ERI2: variants seen among roughly 807,000 people sequenced by gnomAD.
ERI2 encodes the protein ERI1 exoribonuclease family member 2, also known as ERI1 exoribonuclease 2.
In ERI2, 35 loss-of-function variants were observed where a neutral mutation model predicts 46.8. The ratio of observed to expected loss-of-function variants is 0.75; its 90% CI spans 0.57 to 0.99. The LOEUF (loss-of-function observed/expected upper bound fraction) is 0.99, where lower values mean the gene tolerates loss of function less well. ERI2 is among the 50% of genes least tolerant of loss of function. The pLI is 0.00. For missense variants in ERI2, 695 were observed against 796.2 expected (o/e 0.87, Z 1.53); for synonymous variants, 224 against 271.0 (o/e 0.83, Z 1.70).
At chr16:20,799,654 T>C in intron 7 of ERI2, 1 of 470,450 alleles carries the variant, frequency 2.1e-6, no homozygotes, top group Non-Finnish European at 3.7e-6. Flanking sequence ...AATCTAATAG[T>C]CTTGTTCAGT....
intron 10 of ERI2, chr16:20,780,783 T>A (rs1596522394): frequency 1.2e-6 from 2 of 1,614,198 alleles, no homozygotes; most frequent in East Asian, 4.5e-5. Context: ...TCTTTACCAG[T>A]GGAACAAGTG....
chr16:20,788,104 A>T (rs372122694), intron 10 of ERI2, among the ~76,000 whole-genome samples: 4 of 152,082 alleles, frequency 2.6e-5, no homozygotes, highest in East Asian at 3.8e-4. Context: ...TTATTTATTT[A>T]TTTATTTTTT....
Position 20,801,284 on chromosome 16 carries a change from G to T in ERI2, c.379C>A (p.Gln127Lys), listed in dbSNP as rs1455290822. ...FCKWIHKIQQ[Q>K]KNIIFATGIS... ...CCAGTAGCAAAAATAATGTTCTTCT[G>T]TTGCTGAATCTTATGAATCCATTTA... Residue 127 changes from glutamine (Q) to lysine (K), a missense_variant, in exon 5 of 9, where the codon CAG becomes AAG. Gln to Lys is a moderately conservative substitution (Grantham distance 53). Transcript: ENST00000357967. 1.2e-6 allele frequency: 2 copies of T among 1,612,862 alleles called. No individual in the cohort carries two copies. Among genetic ancestry groups the T allele is most frequent in the East Asian group, 4.5e-5 (2 of 44,740 alleles).
At chr16:20,785,820 G>A (rs578127276) in intron 10 of ERI2, among the ~76,000 whole-genome samples, 24 of 152,108 alleles carry the variant, frequency 1.6e-4, no homozygotes, top group African/African-American at 5.5e-4. Flanking sequence ...AGCATAACAA[G>A]TATGCTAATA....
downstream of ERI2, chr16:20,796,248 CT>C: frequency 6.9e-7 from 1 of 1,455,334 alleles, no homozygotes; most frequent in Non-Finnish European, 9.1e-7. Context: ...TGGGATCAAA[CT>C]TTATTAAAAC....
chr16:20,802,710 C>T (rs1315554677), intron 4 of ERI2, 86 bp downstream of exon 4: 4 of 1,437,970 alleles, frequency 2.8e-6, no homozygotes, highest in African/African-American at 2.9e-5. Flanking sequence ...TCATGCCTAA[C>T]ACTAAATAAA....
chr16:20,785,510 T>C (rs1402600481), intron 10 of ERI2, among the ~76,000 whole-genome samples: 3 of 151,970 alleles, frequency 2.0e-5, no homozygotes, highest in African/African-American at 7.3e-5. Context: ...AACCATACTC[T>C]AAAAAGGATT....
chr16:20,782,421 A>G (rs533820933), intron 10 of ERI2, among the ~76,000 whole-genome samples: 90 of 152,210 alleles, frequency 5.9e-4, no homozygotes, highest in Non-Finnish European at 1.1e-3. Context: ...AGAGTCCCCA[A>G]AGTCCATTAT....
chr16:20,788,090 CTTTT>C (rs1214583213), intron 10 of ERI2, among the ~76,000 whole-genome samples: 3 of 152,102 alleles, frequency 2.0e-5, no homozygotes, highest in Admixed American at 6.5e-5. Context: ...TCACATTCCT[CTTTT>C]TATTTATTTA....
At position 20,790,630 on chromosome 16, in the gene ERI2, G is replaced by A. The variant is rs1466893914; in HGVS notation, c.815+220C>T. 1 of 1,614,150 alleles carries A rather than the reference G, an allele frequency of 6.2e-7. No homozygotes were observed. The highest frequency in any genetic ancestry group is 1.7e-5 in the Admixed American group (1 of 60,016). On this transcript the variant is annotated intron_variant, in intron 9 of 10. Transcript: ENST00000300005. The surrounding 1 kb of genome is among the most constrained non-coding windows in gnomAD (Gnocchi z 4.0). ...AATGTTCTACCTCCTGGACAAGAAG[G>A]AGATATTGGCATTCAAGTTCTACCC...
rs892453312 is a variant in ERI2, at chr16:20,790,420, G to A, written c.815+430C>T. Among the ~76,000 whole-genome samples the A allele has an allele frequency of 6.6e-6, 1 of 152,222 alleles. No homozygotes were observed. The highest frequency in any genetic ancestry group is 1.5e-5 in the Non-Finnish European group (1 of 68,046). On this transcript the variant is annotated intron_variant, in intron 9 of 10. Coordinates refer to the ERI2 transcript ENST00000300005. This position sits in a 1 kb window ranked among gnomAD's most constrained non-coding sequence, Gnocchi z 4.0. ...AGCTATGAGCTATGATTGCACCACTGCACTCCAGCCTGGGTGACAAAGTGA... is the reference window on the plus strand; with the variant it reads ...AGCTATGAGCTATGATTGCACCACTACACTCCAGCCTGGGTGACAAAGTGA...
rs2080740298 is a variant in ERI2, at chr16:20,797,234, G to A, written c.*490C>T. 2 of 1,141,468 alleles carry A rather than the reference G, an allele frequency of 1.8e-6. No individual in the cohort carries two copies. Among genetic ancestry groups the A allele is most frequent in the African/African-American group, 3.3e-5 (2 of 60,788 alleles). The allele number at this position is 1,141,468 out of a possible 1,614,324, so 70.7% of individuals were successfully genotyped here. On this transcript the variant is annotated 3_prime_UTR_variant, in exon 9 of 9. Transcript: ENST00000357967. The stretch of plus-strand genomic sequence containing the variant: ...TTGCTGATTAATTTTTAAATGTATA[G>A]TATAGAAGCAGTTTCTGAACCAGAT...
rs1048122768 is a variant in ERI2, at chr16:20,790,183, G to A, written c.816-626C>T. Among the ~76,000 whole-genome samples, 90 of 152,222 alleles carry A rather than the reference G, an allele frequency of 5.9e-4. No individual in the cohort carries two copies. Among genetic ancestry groups the A allele is most frequent in the African/African-American group, 2.1e-3 (88 of 41,546 alleles). ...AAAATATTTTTGGGCCAGGTGCAGT[G>A]GCTCATGCCTATAATCCCAGCACTT... On this transcript the variant is annotated intron_variant, in intron 9 of 10. Transcript: ENST00000300005. The surrounding 1 kb of genome is among the most constrained non-coding windows in gnomAD (Gnocchi z 4.0).
In ERI2 at chr16:20,798,070, A is replaced by C; in HGVS notation, c.1730T>G (p.Leu577Ter). Residue 577 changes from leucine (L) to a stop codon, truncating the protein, a stop_gained, in exon 9 of 9, where the codon TTA (leucine) becomes TGA (stop). Coordinates refer to ENST00000357967, the MANE Select transcript of ERI2 (RefSeq NM_001142725.2). LOFTEE classifies it high-confidence loss of function. Reference sequence around the variant, plus strand: ...CTCTTGTAGGTTAACTGTAGAAGTTAATATAGATGGGAGACGCCTCCAGGA... The same window carrying C: ...CTCTTGTAGGTTAACTGTAGAAGTTCATATAGATGGGAGACGCCTCCAGGA... ...SSSWRRLPSI[L>*]TSTVNLQEPW... is the part of the protein sequence containing the mutation. The C allele has an allele frequency of 6.4e-7, 1 of 1,551,584 alleles. No individual in the cohort carries two copies. The highest frequency in any genetic ancestry group is 8.7e-7 in the Non-Finnish European group (1 of 1,146,904).
In ERI2 at chr16:20,790,831, C is replaced by G. The variant is rs2080581382; in HGVS notation, c.815+19G>C. On this transcript the variant is annotated intron_variant, in intron 9 of 10. Coordinates refer to the ERI2 transcript ENST00000300005. This position sits in a 1 kb window ranked among gnomAD's most constrained non-coding sequence, Gnocchi z 4.0. The stretch of plus-strand genomic sequence containing the variant: ...TTGTCCTGAATAGTAATCCAAAAGA[C>G]AAGAAATTGAAGAAATACCCAAATT... The G allele has an allele frequency of 1.2e-6, 2 of 1,613,740 alleles. No individual in the cohort carries two copies. The highest frequency in any genetic ancestry group is 1.7e-6 in the Non-Finnish European group (2 of 1,179,908).
chr16:20,798,173 G>C lies in ERI2; in HGVS notation c.1627C>G (p.Pro543Ala). ...GTGAAGGGTTGTTTTTTTGCTGGTG[G>C]GAAAGCTTGGGGACTGCATGGATTC... ...KRNPCSPQAF[P>A]PAKKQPFTIH... is the part of the protein sequence containing the mutation. Residue 543 changes from proline (P) to alanine (A), a missense_variant, in exon 9 of 9, where the codon CCA (proline) becomes GCA (alanine). Coordinates refer to ENST00000357967, the MANE Select transcript of ERI2 (RefSeq NM_001142725.2). The C allele has an allele frequency of 6.4e-7, 1 of 1,551,518 alleles. No individual in the cohort carries two copies. Among genetic ancestry groups the C allele is most frequent in the Non-Finnish European group, 8.7e-7 (1 of 1,146,924 alleles).
At chr16:20,791,986 G>A (rs1258083635), downstream of ERI2, 3 of 1,611,690 alleles carry the variant, frequency 1.9e-6, no homozygotes, top group Admixed American at 1.7e-5. Context: ...ACAACAAAAT[G>A]CTATTTGTTT....
intron 10 of ERI2, among the ~76,000 whole-genome samples, chr16:20,787,464 A>G (rs951215807): frequency 1.3e-4 from 20 of 152,354 alleles, no homozygotes; most frequent in African/African-American, 4.6e-4. Context: ...TTGTTTGATC[A>G]TAAACATCAT....
At chr16:20,784,859 G>C (rs938707246) in intron 10 of ERI2, 3 of 1,010,578 alleles carry the variant, frequency 3.0e-6, no homozygotes, top group Non-Finnish European at 4.2e-6. Context: ...GGTTTGTTTT[G>C]TGCTAGGGAG....
Sources: gnomAD v4.1 joint callset for allele counts (sites outside exome capture counted in the v4.1 genomes callset) on GRCh38, gnomAD v4.1.1 for gene constraint, Gnocchi (gnomAD v3.1) non-coding constraint, MANE v1.5 for transcripts, NCBI Gene and HGNC (gene_info 2026-07-23, HGNC 2026-07-21) for gene names.